The following ZNF804B variants were observed in gnomAD, a reference collection of about 807,000 sequenced individuals.
ZNF804B encodes the protein zinc finger 804B.
A neutral mutation model predicts 101.4 loss-of-function variants in ZNF804B; 80 were observed. The ratio of observed to expected loss-of-function variants is 0.79; its 90% CI spans 0.66 to 0.95. The LOEUF is 0.95. Among genes scored for constraint, ZNF804B ranks in the 40% least tolerant of loss-of-function variants. The pLI is 0.00. For missense variants in ZNF804B, 1,673 were observed against 1,561.9 expected (o/e 1.07, Z -1.20); for synonymous variants, 622 against 558.8 (o/e 1.11, Z -1.59).
chr7:89,313,122 A>G (rs1790668368), intron 2 of ZNF804B, among the ~76,000 whole-genome samples: 1 of 151,758 alleles, frequency 6.6e-6, no homozygotes, highest in African/African-American at 2.4e-5. Context: ...TTCTGCATAA[A>G]CTCTGCTTAT....
chr7:88,845,240 A>T (rs1235945187), intron 1 of ZNF804B, among the ~76,000 whole-genome samples: 1 of 152,080 alleles, frequency 6.6e-6, no homozygotes. Context: ...GAAAGGTATA[A>T]ACAGAATAAT....
At chr7:89,327,151 C>T (rs532244645) in intron 2 of ZNF804B, among the ~76,000 whole-genome samples, 193 bp from the exon 3 acceptor site, 1 of 146,946 alleles carries the variant, frequency 6.8e-6, no homozygotes, top group South Asian at 2.1e-4. Context: ...GGAAAAATAA[C>T]CTGGTTGACA....
At chr7:88,872,036 A>G (rs1054198342) in intron 1 of ZNF804B, among the ~76,000 whole-genome samples, 1 of 152,192 alleles carries the variant, frequency 6.6e-6, no homozygotes, top group Non-Finnish European at 1.5e-5. Context: ...CCAAATGTGT[A>G]TAATGGATTT....
At chr7:88,865,553 A>G (rs1320676782) in intron 1 of ZNF804B, among the ~76,000 whole-genome samples, 1 of 152,162 alleles carries the variant, frequency 6.6e-6, no homozygotes, top group Non-Finnish European at 1.5e-5. Context: ...AAATAAATAC[A>G]TACATAAATG....
At chr7:88,852,290 A>T (rs911380504) in intron 1 of ZNF804B, among the ~76,000 whole-genome samples, 5 of 152,050 alleles carry the variant, frequency 3.3e-5, no homozygotes, top group Non-Finnish European at 5.9e-5. Context: ...TGTTAGATAT[A>T]TTTCTTACTA....
At chr7:89,292,597 G>C (rs192190217) in intron 2 of ZNF804B, among the ~76,000 whole-genome samples, 15 of 151,844 alleles carry the variant, frequency 9.9e-5, no homozygotes, top group Admixed American at 2.6e-4. Context: ...ATCATACCAT[G>C]AGAAAAAATC....
At chr7:88,889,237 G>T (rs1792179653) in intron 1 of ZNF804B, among the ~76,000 whole-genome samples, 1 of 152,116 alleles carries the variant, frequency 6.6e-6, no homozygotes, top group African/African-American at 2.4e-5. Context: ...ATTGTGAATT[G>T]TGCTGTAATG....
At position 89,237,007 on chromosome 7, in the gene ZNF804B, C is replaced by T. The variant is rs111751385; in HGVS notation, c.249+18712C>T. On this transcript the variant is annotated intron_variant, in intron 2 of 3. Transcript: ENST00000333190. ...AACCCAAAGTCTAAAGCTATGACTC[C>T]ACCATTAATAAACACTTAGAATTTA... Among the ~76,000 whole-genome samples, 392 of 151,984 alleles carry T rather than the reference C, an allele frequency of 2.6e-3. 2 individuals carry two copies. Among genetic ancestry groups the T allele is most frequent in the African/African-American group, 9.1e-3 (379 of 41,468 alleles).
At chr7:89,283,506 T>C (rs2115876759) in intron 2 of ZNF804B, among the ~76,000 whole-genome samples, 1 of 152,230 alleles carries the variant, frequency 6.6e-6, no homozygotes, top group South Asian at 2.1e-4. Context: ...CCAGCCTGGG[T>C]GACACAGCAA....
intron 1 of ZNF804B, among the ~76,000 whole-genome samples, chr7:89,105,859 T>G (rs1013271563): frequency 5.3e-5 from 8 of 152,142 alleles, no homozygotes; most frequent in African/African-American, 1.9e-4. Context: ...CCATGACCCC[T>G]TTGTTAGGTT....
chr7:89,088,916 G>GA (rs1432446221), intron 1 of ZNF804B, among the ~76,000 whole-genome samples: 1 of 151,880 alleles, frequency 6.6e-6, no homozygotes, highest in East Asian at 1.9e-4. Context: ...TCCTGCTACA[G>GA]AACCATGGCC....
At chr7:89,093,119 A>C (rs6465182) in intron 1 of ZNF804B, among the ~76,000 whole-genome samples, 122,577 of 152,104 alleles carry the variant, frequency 0.81, 50,072 homozygotes, top group African/African-American at 0.94. Context: ...TATCTCCCTT[A>C]ACTTATTTGT....
At position 89,334,150 on chromosome 7, in the gene ZNF804B, C is replaced by A. The variant is rs143468643; in HGVS notation, c.1168C>A (p.Leu390Met). The A allele has an allele frequency of 1.5e-3, 2,393 of 1,613,572 alleles. 37 individuals are homozygous for A. The African/African-American group carries it at 0.028, about 19-fold the overall frequency. The change falls in exon 4 of 4, where the codon CTG becomes ATG. Residue 390 changes from leucine (L) to methionine (M), a missense_variant. Transcript: ENST00000333190. Reference protein sequence around the residue: ...ISECLDEFSSLEPSEQKSTVH... With the variant: ...ISECLDEFSSMEPSEQKSTVH... Reference sequence around the variant, plus strand: ...TGAATGCCTGGATGAGTTTTCATCACTGGAGCCAAGTGAACAAAAGAGTAC... The same window carrying A: ...TGAATGCCTGGATGAGTTTTCATCAATGGAGCCAAGTGAACAAAAGAGTAC...
chr7:89,030,479 T>C (rs896709262), intron 1 of ZNF804B, among the ~76,000 whole-genome samples: 2 of 152,084 alleles, frequency 1.3e-5, no homozygotes, highest in African/African-American at 4.8e-5. Flanking sequence ...AAAAACAAGA[T>C]GAAAACATGT....
chr7:88,827,189 G>C (rs1791061815), intron 1 of ZNF804B, among the ~76,000 whole-genome samples: 1 of 151,850 alleles, frequency 6.6e-6, no homozygotes, highest in African/African-American at 2.4e-5. Flanking sequence ...TAATATTTTA[G>C]TGTGATATTT....
intron 1 of ZNF804B, among the ~76,000 whole-genome samples, chr7:89,002,404 A>G (rs1788303768): frequency 6.6e-6 from 1 of 151,762 alleles, no homozygotes; most frequent in African/African-American, 2.4e-5. Context: ...ACATGCTTGC[A>G]TTTTTCTTGC....
chr7:89,082,146 C>T (rs1297876453), intron 1 of ZNF804B, among the ~76,000 whole-genome samples: 1 of 151,598 alleles, frequency 6.6e-6, no homozygotes, highest in Non-Finnish European at 1.5e-5. Flanking sequence ...TAAAAGCTTC[C>T]TACAGATTAT....
At chr7:89,010,427 G>C (rs1237847700) in intron 1 of ZNF804B, among the ~76,000 whole-genome samples, 2 of 152,142 alleles carry the variant, frequency 1.3e-5, no homozygotes, top group African/African-American at 2.4e-5. Flanking sequence ...CTCATTCTTA[G>C]TAGAGAGGTT....
At chr7:89,247,272 C>A (rs1225004123) in intron 2 of ZNF804B, among the ~76,000 whole-genome samples, 1 of 152,188 alleles carries the variant, frequency 6.6e-6, no homozygotes, top group Non-Finnish European at 1.5e-5. Flanking sequence ...GGCCCCCACC[C>A]CTCCAGGGAT....
Sources: allele counts gnomAD v4.1 joint callset (sites outside exome capture counted in the v4.1 genomes callset), GRCh38; gene constraint gnomAD v4.1.1; transcripts MANE v1.5; gene names NCBI Gene and HGNC (gene_info 2026-07-23, HGNC 2026-07-21).